Variants in LPP observed in about 807,000 individuals in gnomAD.
LPP encodes the protein lipoma-preferred partner.
In LPP, 38 loss-of-function variants were observed where a neutral mutation model predicts 60.4. The observed-to-expected ratio is 0.63, with a 90% CI of 0.49 to 0.83. The LOEUF (loss-of-function observed/expected upper bound fraction) is 0.83, where lower values mean the gene tolerates loss of function less well. LPP is among the 40% of genes least tolerant of loss of function. The pLI is 0.00. For synonymous variants in LPP, 328 were observed against 290.8 expected (o/e 1.13, Z -1.30); for missense variants, 902 against 783.6 (o/e 1.15, Z -1.80).
At chr3:188,198,099 G>C (rs970677318) in intron 1 of LPP, among the ~76,000 whole-genome samples, 5 of 152,216 alleles carry the variant, frequency 3.3e-5, no homozygotes, top group Admixed American at 6.5e-5. Flanking sequence ...CTATGTGCCA[G>C]TCACTGTTCT....
intron 4 of LPP, among the ~76,000 whole-genome samples, chr3:188,409,003 T>G (rs535651602): frequency 6.6e-6 from 1 of 152,192 alleles, no homozygotes; most frequent in Non-Finnish European, 1.5e-5. Context: ...CACTCGTCCT[T>G]ATGTTCCTCA....
At chr3:188,315,864 A>G (rs1663515488) in intron 2 of LPP, among the ~76,000 whole-genome samples, 1 of 152,266 alleles carries the variant, frequency 6.6e-6, no homozygotes, top group Admixed American at 6.5e-5. Context: ...TGTAGGAATA[A>G]GAACATATTA....
chr3:188,604,933 T>A (rs1448556675), intron 6 of LPP, among the ~76,000 whole-genome samples: 1 of 152,134 alleles, frequency 6.6e-6, no homozygotes, highest in Admixed American at 6.6e-5. Flanking sequence ...AAGACATTCC[T>A]AGGAATCAGC....
intron 4 of LPP, among the ~76,000 whole-genome samples, chr3:188,422,958 T>C (rs1382622498): frequency 6.7e-6 from 1 of 150,296 alleles, no homozygotes; most frequent in African/African-American, 2.5e-5. Context: ...TGTGTGTGTG[T>C]TTTAATTGTA....
chr3:188,875,923 T>C lies in LPP; in HGVS notation c.*1444T>C, dbSNP rs1212169486. 2 of 185,066 alleles carry C rather than the reference T, an allele frequency of 1.1e-5. No individual in the cohort carries two copies. The highest frequency in any genetic ancestry group is 1.9e-3 in the Middle Eastern group (1 of 530). The allele number at this position is 185,066 out of a possible 1,614,324, so 11.5% of individuals were successfully genotyped here. A position where few individuals can be genotyped will look rare whatever the true frequency, so the allele number is the denominator to read the frequency against. ...TTTGGACTGAGATTTCTTAAATCTTTCTTCAAATCTCCCACAAGTATATAC... is the reference window on the plus strand; with the variant it reads ...TTTGGACTGAGATTTCTTAAATCTTCCTTCAAATCTCCCACAAGTATATAC... On this transcript the variant is annotated 3_prime_UTR_variant, in exon 12 of 12. Transcript: ENST00000617246.
chr3:188,548,445 T>C (rs140606514), intron 6 of LPP, among the ~76,000 whole-genome samples: 2 of 152,316 alleles, frequency 1.3e-5, no homozygotes, highest in Non-Finnish European at 2.9e-5. Flanking sequence ...GTCGATGTTT[T>C]AGAGGTATCT....
chr3:188,566,074 G>A (rs918629948), intron 6 of LPP, among the ~76,000 whole-genome samples: 13 of 151,962 alleles, frequency 8.6e-5, no homozygotes, highest in Non-Finnish European at 1.8e-4. Context: ...ATAGGAAAAG[G>A]ATTAACAAGA....
chr3:188,487,182 C>T (rs1200666605), intron 5 of LPP, among the ~76,000 whole-genome samples: 2 of 152,136 alleles, frequency 1.3e-5, no homozygotes, highest in African/African-American at 4.8e-5. Context: ...CCGGTTTCCT[C>T]TTCATTAGAA....
At chr3:188,832,066 A>G (rs1301290233) in intron 9 of LPP, among the ~76,000 whole-genome samples, 16 of 152,202 alleles carry the variant, frequency 1.1e-4, no homozygotes. Flanking sequence ...GTGACTTCCA[A>G]TGACCCCTGC....
Position 188,507,638 on chromosome 3 carries a change from C to G in LPP, c.307-17027C>G, listed in dbSNP as rs182879465. Among the ~76,000 whole-genome samples the G allele has an allele frequency of 1.9e-4, 29 of 152,160 alleles. No homozygotes were observed. The South Asian group carries it at 5.0e-3, about 26-fold the overall frequency. ...CCAGAGTCAGCAAAACCTTGTATAG[C>G]AAGATAAGCTGTGGTGCCCCAGAGA... On this transcript the variant is annotated intron_variant, in intron 5 of 11. Transcript: ENST00000617246.
intron 4 of LPP, among the ~76,000 whole-genome samples, chr3:188,413,887 A>G (rs1326996385): frequency 6.6e-6 from 1 of 152,176 alleles, no homozygotes; most frequent in Non-Finnish European, 1.5e-5. Context: ...TTAGCTGGTA[A>G]TACCAACTGC....
intron 2 of LPP, among the ~76,000 whole-genome samples, chr3:188,238,561 C>T (rs1722703210): frequency 6.6e-6 from 1 of 152,122 alleles, no homozygotes; most frequent in South Asian, 2.1e-4. Context: ...ATTAATTGGC[C>T]TAATTTCAGT....
At chr3:188,280,291 A>G (rs1292460952) in intron 2 of LPP, among the ~76,000 whole-genome samples, 1 of 152,192 alleles carries the variant, frequency 6.6e-6, no homozygotes, top group East Asian at 1.9e-4. Context: ...AGTCATCTCT[A>G]TCAAGGGGGT....
At chr3:188,760,410 G>T (rs1274667605) in intron 9 of LPP, 128 bp downstream of exon 9, 1 of 397,948 alleles carries the variant, frequency 2.5e-6, no homozygotes. Flanking sequence ...TGTGTGTGGG[G>T]TGTGTGTGTG....
intron 3 of LPP, among the ~76,000 whole-genome samples, chr3:188,374,670 C>T (rs1256218114): frequency 6.6e-6 from 1 of 152,160 alleles, no homozygotes; most frequent in Non-Finnish European, 1.5e-5. Context: ...AATTTGACTT[C>T]CTTTTTTCCT....
chr3:188,708,198 GT>G, intron 7 of LPP, 68 bp from the exon 8 acceptor site: 1 of 1,580,668 alleles, frequency 6.3e-7, no homozygotes, highest in Non-Finnish European at 8.6e-7. Context: ...ATCGCTGCTT[GT>G]TTAGGCTGAC....
Position 188,482,240 on chromosome 3 carries a change from C to G in LPP, c.194-2352C>G, listed in dbSNP as rs527937615. On this transcript the variant is annotated intron_variant, in intron 4 of 11. Transcript: ENST00000617246. ...CTGTGAGTCAATTAAACCTCTTCTT[C>G]TTTATAAATTGCCCATTCTCAGGCA... 7.2e-5 allele frequency among the ~76,000 whole-genome samples: 11 copies of G among 152,300 alleles called. No homozygotes were observed. In the East Asian group the frequency reaches 1.9e-3, roughly 27 times the overall value.
At chr3:188,712,429 G>A (rs1250726572) in intron 8 of LPP, 1 of 152,264 alleles carries the variant, frequency 6.6e-6, no homozygotes, top group African/African-American at 2.4e-5. Context: ...TATTAGCACT[G>A]TGTTGGGTGT....
chr3:188,719,397 A>G (rs776071777), intron 8 of LPP, among the ~76,000 whole-genome samples: 1 of 152,140 alleles, frequency 6.6e-6, no homozygotes, highest in Non-Finnish European at 1.5e-5. Flanking sequence ...AAGACTGTGA[A>G]CCACCACCCA....
Sources: gnomAD v4.1 joint callset for allele counts (sites outside exome capture counted in the v4.1 genomes callset) on GRCh38, gnomAD v4.1.1 for gene constraint, MANE v1.5 for transcripts, NCBI Gene and HGNC (gene_info 2026-07-23, HGNC 2026-07-21) for gene names.